MAPK6: variants seen among roughly 807,000 people sequenced by gnomAD.
MAPK6 encodes ERK-3.
In MAPK6, 19 loss-of-function variants were observed where a neutral mutation model predicts 59.3. The observed-to-expected ratio is 0.32, with a 90% confidence interval of 0.22 to 0.47. The LOEUF is 0.47. MAPK6 is among the 20% of genes least tolerant of loss of function. MAPK6 has a pLI of 1.00. For synonymous variants in MAPK6, 316 were observed against 290.3 expected, an observed-to-expected ratio of 1.09 and a Z score of -0.90; for missense variants, 724 against 847.9, an observed-to-expected ratio of 0.85 and a Z score of 1.81.
intron 2 of MAPK6, among the ~76,000 whole-genome samples, chr15:51,996,225 T>A (rs1235877707): frequency 3.9e-5 from 6 of 152,150 alleles, no homozygotes; most frequent in African/African-American, 1.2e-4. Flanking sequence ...GAAGAAGACC[T>A]AACCTCTTCT....
At chr15:52,053,575 T>A (rs183055836) in intron 3 of MAPK6, among the ~76,000 whole-genome samples, 162 of 151,704 alleles carry the variant, frequency 1.1e-3, no homozygotes, top group African/African-American at 3.6e-3. Flanking sequence ...TTCTTTATAG[T>A]GTCTTTTGAA....
At chr15:52,045,118 G>A (rs988618464) in intron 1 of MAPK6, among the ~76,000 whole-genome samples, 1 of 151,842 alleles carries the variant, frequency 6.6e-6, no homozygotes, top group Admixed American at 6.6e-5. Flanking sequence ...CATAGAGTAC[G>A]CTATTTATTT....
At chr15:52,020,361 G>T (rs1353507723) in intron 1 of MAPK6, among the ~76,000 whole-genome samples, 1 of 151,948 alleles carries the variant, frequency 6.6e-6, no homozygotes, top group African/African-American at 2.4e-5. Context: ...CATTGGAAAA[G>T]GTCCAGTGAA....
intron 2 of MAPK6, among the ~76,000 whole-genome samples, chr15:52,001,796 G>A (rs1489125072): frequency 2.0e-5 from 3 of 151,900 alleles, no homozygotes; most frequent in African/African-American, 7.2e-5. Context: ...GGCGTGATCC[G>A]CCACTCCTGG....
chr15:51,996,910 TA>T (rs2057226080), intron 2 of MAPK6, among the ~76,000 whole-genome samples: 1 of 152,158 alleles, frequency 6.6e-6, no homozygotes, highest in South Asian at 2.1e-4. Context: ...CTGGAACTCC[TA>T]ACCTCAAGTG....
intron 2 of MAPK6, among the ~76,000 whole-genome samples, chr15:52,002,671 G>A (rs1172075312): frequency 6.6e-6 from 1 of 152,190 alleles, no homozygotes; most frequent in African/African-American, 2.4e-5. Context: ...GGGCAAAATA[G>A]CTAGGCCTTT....
At chr15:51,977,799 A>G (rs1260657343) in intron 1 of MAPK6, among the ~76,000 whole-genome samples, 2 of 151,756 alleles carry the variant, frequency 1.3e-5, no homozygotes, top group Admixed American at 1.3e-4. Flanking sequence ...GGCCTCCTAA[A>G]GTACTGGGAT....
At chr15:51,976,909 C>G (rs1214847368) in intron 1 of MAPK6, among the ~76,000 whole-genome samples, 1 of 151,644 alleles carries the variant, frequency 6.6e-6, no homozygotes, top group African/African-American at 2.4e-5. Flanking sequence ...AGCCACTGCT[C>G]TCCAGCCTGG....
At chr15:51,997,807 G>A (rs2057229465) in intron 2 of MAPK6, among the ~76,000 whole-genome samples, 2 of 151,708 alleles carry the variant, frequency 1.3e-5, no homozygotes, top group African/African-American at 4.8e-5. Flanking sequence ...GCCTAGGCTG[G>A]TCTCAAACTC....
At chr15:52,023,221 T>C (rs987015592) in intron 1 of MAPK6, among the ~76,000 whole-genome samples, 1 of 152,056 alleles carries the variant, frequency 6.6e-6, no homozygotes, top group Non-Finnish European at 1.5e-5. Flanking sequence ...ACCACTGCTA[T>C]CCAGTTCTTT....
intron 1 of MAPK6, among the ~76,000 whole-genome samples, chr15:52,039,474 G>T (rs1478383164): frequency 6.8e-6 from 1 of 147,072 alleles, no homozygotes; most frequent in Non-Finnish European, 1.5e-5. Context: ...AACAATTTAA[G>T]AACACAAATT....
intron 3 of MAPK6, among the ~76,000 whole-genome samples, chr15:52,055,354 C>G (rs2031935911): frequency 6.6e-6 from 1 of 152,192 alleles, no homozygotes; most frequent in Non-Finnish European, 1.5e-5. Flanking sequence ...CTACAGTGAG[C>G]TGTGATCATG....
In MAPK6 at chr15:52,061,287, T is replaced by C; in HGVS notation, c.866-12T>C. 2 of 1,609,510 alleles carry C rather than the reference T, an allele frequency of 1.2e-6. No individual in the cohort carries two copies. The highest frequency in any genetic ancestry group is 1.3e-5 in the African/African-American group (1 of 74,986). On this transcript the variant is annotated splice_polypyrimidine_tract_variant and intron_variant, in intron 4 of 5. Coordinates refer to ENST00000261845, the MANE Select transcript of MAPK6 (RefSeq NM_002748.4). ...ATTCTTTTCTGAAAAACTTTTACCT[T>C]TTCCTCTGCAGCACTGGATTTCCTG...
chr15:51,977,829 A>G (rs2057161704), intron 1 of MAPK6, among the ~76,000 whole-genome samples: 1 of 151,718 alleles, frequency 6.6e-6, no homozygotes, highest in South Asian at 2.1e-4. Context: ...AAGACACCAT[A>G]CCTGGCCCCA....
chr15:51,972,359 A>T (rs1424262751), intron 1 of MAPK6, among the ~76,000 whole-genome samples: 1 of 151,774 alleles, frequency 6.6e-6, no homozygotes, highest in African/African-American at 2.4e-5. Flanking sequence ...GGCTGGTCGC[A>T]AACTCAGGAG....
chr15:51,994,418 G>A (rs1284392246), intron 2 of MAPK6, among the ~76,000 whole-genome samples: 1 of 152,072 alleles, frequency 6.6e-6, no homozygotes, highest in Admixed American at 6.6e-5. Context: ...TAGATTACAG[G>A]CCATTTATTT....
intron 2 of MAPK6, among the ~76,000 whole-genome samples, chr15:51,998,709 G>C (rs868788589): frequency 9.9e-4 from 1 of 1,014 alleles, no homozygotes; most frequent in Non-Finnish European, 8.9e-3. Flanking sequence ...TTTTTTTTTT[G>C]AGACGGAGTC....
At chr15:52,011,100 G>A (rs2030043530) in intron 3 of MAPK6, 2 of 152,212 alleles carry the variant, frequency 1.3e-5, no homozygotes, top group African/African-American at 4.8e-5. Context: ...AACATGCACA[G>A]TAACGAGATA....
At chr15:52,037,978 G>T (rs1369726474) in intron 1 of MAPK6, among the ~76,000 whole-genome samples, 2 of 152,170 alleles carry the variant, frequency 1.3e-5, no homozygotes, top group Non-Finnish European at 2.9e-5. Context: ...CCTGGAAAAT[G>T]AAGAGTAGAG....
Sources: allele counts gnomAD v4.1 joint callset (sites outside exome capture counted in the v4.1 genomes callset), GRCh38; gene constraint gnomAD v4.1.1; transcripts MANE v1.5; gene names NCBI Gene and HGNC (gene_info 2026-07-23, HGNC 2026-07-21).